The following PCDHA2 variants were observed in gnomAD, a reference collection of about 807,000 sequenced individuals.
PCDHA2 encodes protocadherin alpha 2.
PCDHA2 carries 58 observed loss-of-function variants against 66.0 expected under a neutral mutation model. That is an observed-to-expected ratio of 0.88 (90% CI 0.71 to 1.09). The LOEUF (loss-of-function observed/expected upper bound fraction) is 1.09. Among genes scored for constraint, PCDHA2 ranks in the 50% least tolerant of loss-of-function variants. PCDHA2 has a pLI of 0.00. For missense variants in PCDHA2, 1,267 were observed against 1,242.3 expected (o/e 1.02, Z -0.30); for synonymous variants, 634 against 554.0 (o/e 1.14, Z -2.03).
At chr5:140,993,673 TG>T (rs2097577380) in intron 3 of PCDHA2, among the ~76,000 whole-genome samples, 1 of 152,322 alleles carries the variant, frequency 6.6e-6, no homozygotes, top group East Asian at 1.9e-4. Context: ...GGACCACATA[TG>T]TGACAGCTGT....
At chr5:140,915,699 C>G (rs1321126272) in intron 1 of PCDHA2, among the ~76,000 whole-genome samples, 1 of 151,944 alleles carries the variant, frequency 6.6e-6, no homozygotes, top group Non-Finnish European at 1.5e-5. Context: ...GTGATGCAAG[C>G]ACTCCTGTGG....
At chr5:140,897,458 G>T (rs191522392) in intron 1 of PCDHA2, among the ~76,000 whole-genome samples, 1 of 151,310 alleles carries the variant, frequency 6.6e-6, no homozygotes, top group African/African-American at 2.4e-5. Flanking sequence ...TTGTCCTTGC[G>T]ATAGTTTACT....
chr5:140,979,033 C>T, intron 2 of PCDHA2, 26 bp downstream of exon 2: 1 of 1,613,044 alleles, frequency 6.2e-7, no homozygotes, highest in Non-Finnish European at 8.5e-7. Flanking sequence ...CTCATTCACT[C>T]AGAAGTAACC....
intron 1 of PCDHA2, among the ~76,000 whole-genome samples, chr5:140,942,794 A>C (rs782783696): frequency 2.6e-4 from 39 of 152,326 alleles, no homozygotes; most frequent in Middle Eastern, 3.4e-3. Flanking sequence ...TTACAAAGGC[A>C]TGTTTTCCAC....
chr5:140,882,335 GCCTGGGAGACGGGTAGTGGCCAGCT>G (rs1554173599), intron 1 of PCDHA2: 11 of 1,614,078 alleles, frequency 6.8e-6, no homozygotes, highest in Non-Finnish European at 9.3e-6. Flanking sequence ...GATCCTCGCA[GCCTGGGAGACGGGTAGTGGCCAGCT>G]CCACTACTCC....
At chr5:141,009,107 G>A (rs1329490009) in intron 3 of PCDHA2, among the ~76,000 whole-genome samples, 6 of 152,180 alleles carry the variant, frequency 3.9e-5, no homozygotes, top group African/African-American at 1.4e-4. Flanking sequence ...ATGTTACTAT[G>A]AAACTAGATT....
intron 1 of PCDHA2, chr5:140,812,555 T>C (rs2126639999): frequency 2.0e-5 from 3 of 152,284 alleles, no homozygotes; most frequent in African/African-American, 4.8e-5. Flanking sequence ...CCTTGAGTTG[T>C]TAAGTTTTTT....
At chr5:140,867,507 C>G (rs190699676) in intron 1 of PCDHA2, 5 of 151,968 alleles carry the variant, frequency 3.3e-5, no homozygotes, top group Non-Finnish European at 7.4e-5. Flanking sequence ...AGAACAAAAT[C>G]TCAAATTAAT....
At position 140,879,168 on chromosome 5, in the gene PCDHA2, A is replaced by G. The variant is rs2057882676; in HGVS notation, c.2388+81816A>G. Among the ~76,000 whole-genome samples, 5 of 152,334 alleles carry G rather than the reference A, an allele frequency of 3.3e-5. 1 individual carries two copies. Among genetic ancestry groups the G allele is most frequent in the Admixed American group, 6.5e-5 (1 of 15,308 alleles). On this transcript the variant is annotated intron_variant, in intron 1 of 3. Coordinates refer to ENST00000526136, the MANE Select transcript of PCDHA2 (RefSeq NM_018905.3). ...AGGAAAGCTATTTCTTTTTTAATAAATTAGGTATCAAGTAATGGAGACTTA... is the reference window on the plus strand; with the variant it reads ...AGGAAAGCTATTTCTTTTTTAATAAGTTAGGTATCAAGTAATGGAGACTTA...
chr5:141,007,779 C>T (rs1378096050), intron 3 of PCDHA2, among the ~76,000 whole-genome samples: 4 of 152,184 alleles, frequency 2.6e-5, no homozygotes, highest in African/African-American at 9.7e-5. Context: ...AATGGTACTG[C>T]TTTACAAATT....
chr5:141,009,510 C>T (rs936602953), intron 3 of PCDHA2, 117 bp from the exon 4 acceptor site: 7 of 1,498,300 alleles, frequency 4.7e-6, no homozygotes, highest in Admixed American at 4.7e-5. Flanking sequence ...ACAAACAACT[C>T]GTGATTTTTC....
At chr5:140,902,860 G>C (rs1360454438) in intron 1 of PCDHA2, among the ~76,000 whole-genome samples, 1 of 152,130 alleles carries the variant, frequency 6.6e-6, no homozygotes, top group Non-Finnish European at 1.5e-5. Context: ...ATGGCGTCCA[G>C]GTCCACCCAA....
intron 1 of PCDHA2, among the ~76,000 whole-genome samples, chr5:140,933,309 A>G (rs183796217): frequency 4.7e-4 from 72 of 152,092 alleles, no homozygotes; most frequent in Middle Eastern, 6.8e-3. Context: ...TAAATATGCA[A>G]TCTCGTATTC....
At chr5:140,972,353 T>C (rs571045648) in intron 1 of PCDHA2, among the ~76,000 whole-genome samples, 5 of 152,058 alleles carry the variant, frequency 3.3e-5, no homozygotes, top group South Asian at 2.1e-4. Flanking sequence ...TCTCACTATG[T>C]TGCACATGCT....
At chr5:140,809,367 C>A (rs543555386) in intron 1 of PCDHA2, 4 of 1,613,970 alleles carry the variant, frequency 2.5e-6, no homozygotes. Context: ...TCTGCGCTGC[C>A]CACCGAGGGC....
intron 1 of PCDHA2, chr5:140,929,690 C>T (rs921103809): frequency 1.4e-5 from 4 of 278,364 alleles, no homozygotes; most frequent in Non-Finnish European, 2.8e-5. Context: ...TAAGAGTCTG[C>T]TTTATATGAA....
At chr5:140,848,275 T>G in intron 1 of PCDHA2, 2 of 545,056 alleles carry the variant, frequency 3.7e-6, no homozygotes, top group Non-Finnish European at 3.2e-6. Flanking sequence ...TCATGAAATA[T>G]GTACTTACAC....
chr5:140,890,068 T>C (rs1353953909), intron 1 of PCDHA2, among the ~76,000 whole-genome samples: 2 of 152,196 alleles, frequency 1.3e-5, no homozygotes, highest in African/African-American at 4.8e-5. Flanking sequence ...TTTACTGGCT[T>C]ATGAGAACTG....
chr5:140,807,608 T>C (rs782498556), intron 1 of PCDHA2: 17 of 1,614,102 alleles, frequency 1.1e-5, no homozygotes, highest in Non-Finnish European at 1.4e-5. Flanking sequence ...AAAGAACCTG[T>C]CCATCGCGGA....
Sources: allele counts gnomAD v4.1 joint callset (sites outside exome capture counted in the v4.1 genomes callset), GRCh38; gene constraint gnomAD v4.1.1; transcripts MANE v1.5; gene names NCBI Gene and HGNC (gene_info 2026-07-23, HGNC 2026-07-21).